The following RALYL variants were observed in gnomAD, a reference collection of about 807,000 sequenced individuals.
The protein encoded by RALYL is RALY RNA binding protein like.
Under a neutral mutation model 35.1 loss-of-function variants are expected in RALYL, and 29 were observed. That is an observed-to-expected ratio of 0.83 (90% CI 0.61 to 1.13). The LOEUF is 1.13. Ranked by LOEUF, RALYL falls within the 50% of genes most tolerant of loss-of-function variation. The probability of loss-of-function intolerance (pLI) is 0.00; values close to 1 mark genes in which losing one functional copy is unlikely to be tolerated. For synonymous variants in RALYL, 120 were observed against 127.6 expected, an observed-to-expected ratio of 0.94 and a Z score of 0.40; for missense variants, 359 against 360.4, an observed-to-expected ratio of 1.00 and a Z score of 0.03.
At chr8:84,682,899 G>T (rs1457468461) in intron 2 of RALYL, among the ~76,000 whole-genome samples, 2 of 151,736 alleles carry the variant, frequency 1.3e-5, no homozygotes, top group Non-Finnish European at 2.9e-5. Flanking sequence ...GAATGTGTTT[G>T]CTCTTGCTTC....
Position 84,662,626 on chromosome 8 carries a change from C to T in RALYL, c.257-111953C>T, listed in dbSNP as rs749318286. On this transcript the variant is annotated intron_variant, in intron 2 of 8. Transcript: ENST00000521268. ...AATTGTTTAAACTGGATGTTGAACA[C>T]GTGGTAATCATTATACCAATCTCTT... Among the ~76,000 whole-genome samples, 49 of 152,054 alleles carry T rather than the reference C, an allele frequency of 3.2e-4. 1 individual carries two copies. The highest frequency in any genetic ancestry group is 2.9e-4 in the Non-Finnish European group (20 of 67,996).
chr8:84,584,428 C>T (rs1359787745), intron 2 of RALYL, among the ~76,000 whole-genome samples: 1 of 152,002 alleles, frequency 6.6e-6, no homozygotes, highest in Non-Finnish European at 1.5e-5. Context: ...CATGGTGAAA[C>T]CCCATCTCTA....
intron 1 of RALYL, among the ~76,000 whole-genome samples, chr8:84,366,106 C>CAG (rs138020573): frequency 2.5e-4 from 38 of 151,168 alleles, no homozygotes; most frequent in Admixed American, 1.8e-3. Flanking sequence ...TGTCTGGTGC[C>CAG]AGAGAGAGAG....
At chr8:84,577,229 C>T (rs1809674928) in intron 2 of RALYL, among the ~76,000 whole-genome samples, 1 of 152,236 alleles carries the variant, frequency 6.6e-6, no homozygotes, top group Non-Finnish European at 1.5e-5. Flanking sequence ...CAGGCTGACA[C>T]TATCCACATA....
intron 2 of RALYL, among the ~76,000 whole-genome samples, chr8:84,553,047 A>T (rs1427126128): frequency 6.6e-6 from 1 of 152,216 alleles, no homozygotes; most frequent in Non-Finnish European, 1.5e-5. Context: ...ATGGAAAAAT[A>T]CTTAAATATT....
intron 4 of RALYL, among the ~76,000 whole-genome samples, chr8:84,844,962 C>T (rs1441901877): frequency 1.3e-5 from 2 of 151,108 alleles, no homozygotes; most frequent in Non-Finnish European, 2.9e-5. Flanking sequence ...ACACCAGGGC[C>T]TGTTGTGGGG....
chr8:84,315,261 A>G (rs1199866572), intron 1 of RALYL, among the ~76,000 whole-genome samples: 3 of 152,186 alleles, frequency 2.0e-5, no homozygotes, highest in African/African-American at 7.2e-5. Flanking sequence ...ATTTATATTC[A>G]TCCACATTAT....
At chr8:84,820,674 G>C (rs1828328188) in intron 4 of RALYL, among the ~76,000 whole-genome samples, 1 of 152,062 alleles carries the variant, frequency 6.6e-6, no homozygotes, top group South Asian at 2.1e-4. Flanking sequence ...GCATGCATTA[G>C]GTATTTGTCC....
At chr8:84,482,762 T>C (rs895671904) in intron 1 of RALYL, among the ~76,000 whole-genome samples, 3 of 152,126 alleles carry the variant, frequency 2.0e-5, no homozygotes, top group Non-Finnish European at 4.4e-5. Context: ...TCTCCACTAA[T>C]GCACTCATCA....
chr8:84,704,321 A>T (rs1840746944), intron 2 of RALYL, among the ~76,000 whole-genome samples: 2 of 152,056 alleles, frequency 1.3e-5, no homozygotes, highest in Admixed American at 1.3e-4. Context: ...GCTACTCAGG[A>T]GGCTGAGGCA....
At chr8:84,477,449 T>G (rs1232108799) in intron 1 of RALYL, among the ~76,000 whole-genome samples, 1 of 149,436 alleles carries the variant, frequency 6.7e-6, no homozygotes, top group Non-Finnish European at 1.5e-5. Flanking sequence ...TTGCAGAAAG[T>G]GAATATGATA....
At chr8:84,829,896 A>G (rs956051612) in intron 4 of RALYL, among the ~76,000 whole-genome samples, 6 of 151,568 alleles carry the variant, frequency 4.0e-5, no homozygotes, top group African/African-American at 1.5e-4. Flanking sequence ...TCAATATATG[A>G]TGTTGATTCA....
chr8:84,313,821 T>A (rs1016544471), intron 1 of RALYL, among the ~76,000 whole-genome samples: 3 of 152,176 alleles, frequency 2.0e-5, no homozygotes, highest in African/African-American at 7.2e-5. Flanking sequence ...CATTTTTCTA[T>A]CTTCTTCTGA....
At chr8:84,734,764 C>T (rs188236860) in intron 2 of RALYL, among the ~76,000 whole-genome samples, 86 of 151,834 alleles carry the variant, frequency 5.7e-4, no homozygotes, top group Admixed American at 1.2e-3. Flanking sequence ...TGAATTCTGA[C>T]GCTACAGATA....
At chr8:84,532,854 G>A (rs1178312102) in intron 2 of RALYL, among the ~76,000 whole-genome samples, 2 of 151,908 alleles carry the variant, frequency 1.3e-5, no homozygotes, top group Non-Finnish European at 2.9e-5. Context: ...AGATAACTTG[G>A]CCATAATTTA....
At chr8:84,575,394 C>T (rs1322274132) in intron 2 of RALYL, among the ~76,000 whole-genome samples, 1 of 152,012 alleles carries the variant, frequency 6.6e-6, no homozygotes, top group Non-Finnish European at 1.5e-5. Flanking sequence ...ATTATAAAAG[C>T]AGTATAAATC....
At chr8:84,235,945 T>A (rs542905510) in intron 1 of RALYL, among the ~76,000 whole-genome samples, 1 of 151,978 alleles carries the variant, frequency 6.6e-6, no homozygotes, top group South Asian at 2.1e-4. Flanking sequence ...TTTTGTATTT[T>A]TAGTAGAGAC....
At chr8:84,811,687 C>G (rs958633782) in intron 4 of RALYL, among the ~76,000 whole-genome samples, 2 of 152,146 alleles carry the variant, frequency 1.3e-5, no homozygotes, top group Admixed American at 6.5e-5. Flanking sequence ...TAACCCCAGA[C>G]TTCTTAGAGG....
At chr8:84,849,410 C>T (rs1032680588) in intron 4 of RALYL, among the ~76,000 whole-genome samples, 3 of 152,102 alleles carry the variant, frequency 2.0e-5, no homozygotes, top group Non-Finnish European at 1.5e-5. Flanking sequence ...TATTTCAATA[C>T]CTTTTGTTCA....
Sources: allele counts gnomAD v4.1 joint callset (sites outside exome capture counted in the v4.1 genomes callset), GRCh38; gene constraint gnomAD v4.1.1; transcripts MANE v1.5; gene names NCBI Gene and HGNC (gene_info 2026-07-23, HGNC 2026-07-21).